Variants in NALCN observed in about 807,000 individuals in gnomAD.
NALCN encodes the protein sodium leak channel, non-selective.
In NALCN, 111 loss-of-function variants were observed where a neutral mutation model predicts 225.3. That is an observed-to-expected ratio of 0.49 (90% CI 0.42 to 0.58). The LOEUF (loss-of-function observed/expected upper bound fraction) is 0.58, where lower values mean the gene tolerates loss of function less well. Among genes scored for constraint, NALCN ranks in the 20% least tolerant of loss-of-function variants. The pLI, the probability that NALCN is intolerant of heterozygous loss-of-function variation, is 0.00. For missense variants in NALCN, 1,378 were observed against 2,202.4 expected, an observed-to-expected ratio of 0.63 and a Z score of 7.49; for synonymous variants, 764 against 769.0, an observed-to-expected ratio of 0.99 and a Z score of 0.11.
chr13:101,189,098 C>T (rs1662073), intron 14 of NALCN, among the ~76,000 whole-genome samples: 34 of 151,914 alleles, frequency 2.2e-4, no homozygotes, highest in Non-Finnish European at 4.3e-4. Context: ...GTAGGGATGC[C>T]CCTTATCCTC....
rs552072149 is a variant in NALCN at position 101,285,994 on chromosome 13, C to G, written c.1048-1975G>C. Among the ~76,000 whole-genome samples the G allele has an allele frequency of 1.2e-3, 176 of 151,986 alleles. 1 individual carries two copies. The highest frequency in any genetic ancestry group is 5.8e-4 in the East Asian group (3 of 5,172). On this transcript the variant is annotated intron_variant, in intron 9 of 43. Transcript: ENST00000251127. ...CTCTTAAATTTTTTTTTCAATAGAC[C>G]AAAATCAAAAGAATCAATTTAATTT...
At chr13:101,228,695 T>C (rs918673144) in intron 13 of NALCN, among the ~76,000 whole-genome samples, 1 of 152,234 alleles carries the variant, frequency 6.6e-6, no homozygotes, top group Non-Finnish European at 1.5e-5. Flanking sequence ...TCATCGAGTA[T>C]GTCTTTATCA....
chr13:101,332,820 C>T (rs1246384099), intron 7 of NALCN, among the ~76,000 whole-genome samples: 2 of 151,824 alleles, frequency 1.3e-5, no homozygotes, highest in Non-Finnish European at 2.9e-5. Context: ...GTGGAGTGCT[C>T]ACGCTTCACT....
rs1181657432 is a variant in NALCN at position 101,095,573 on chromosome 13, C to T, written c.3269+1G>A. 6.2e-7 allele frequency: 1 copy of T among 1,610,328 alleles called. No individual in the cohort carries two copies. The highest frequency in any genetic ancestry group is 8.5e-7 in the Non-Finnish European group (1 of 1,177,984). On this transcript the variant is annotated splice_donor_variant, in intron 28 of 43. Transcript: ENST00000251127. LOFTEE classifies it high-confidence loss of function. ...AGAATATTTTTTTATGATATACTTACCAAACACGGGGCACCCAAAATCCAG... is the reference window on the plus strand; with the variant it reads ...AGAATATTTTTTTATGATATACTTATCAAACACGGGGCACCCAAAATCCAG...
At chr13:101,401,881 T>C (rs1235878039) in intron 1 of NALCN, among the ~76,000 whole-genome samples, 1 of 152,212 alleles carries the variant, frequency 6.6e-6, no homozygotes, top group East Asian at 1.9e-4. Flanking sequence ...AAATATTATA[T>C]AAAGCATTCA....
chr13:101,093,459 G>A (rs1036507975), intron 28 of NALCN, among the ~76,000 whole-genome samples: 2 of 152,206 alleles, frequency 1.3e-5, no homozygotes, highest in Admixed American at 6.5e-5. Context: ...GATCGAAGGT[G>A]TCTATTTCAC....
At chr13:101,056,541 G>T (rs1350328220) in intron 43 of NALCN, among the ~76,000 whole-genome samples, 1 of 151,956 alleles carries the variant, frequency 6.6e-6, no homozygotes, top group Non-Finnish European at 1.5e-5. Flanking sequence ...GGATTACAGG[G>T]GTGAGCCACT....
chr13:101,165,299 G>A (rs1268555544), intron 15 of NALCN, among the ~76,000 whole-genome samples: 1 of 152,248 alleles, frequency 6.6e-6, no homozygotes, highest in East Asian at 1.9e-4. Context: ...TTCCTTACCC[G>A]TCATTGATTC....
In NALCN at chr13:101,059,674, C is replaced by CTT. The variant is rs35627368; in HGVS notation, c.4905+142_4905+143dup. The CTT allele has an allele frequency of 0.031, 18,707 of 603,386 alleles. 97 individuals are homozygous for CTT. The highest frequency in any genetic ancestry group is 0.054 in the African/African-American group (2,811 of 52,294). The allele number at this position is 603,386 out of a possible 1,614,324, so 37.4% of individuals were successfully genotyped here. A position where few individuals can be genotyped will look rare whatever the true frequency, so the allele number is the denominator to read the frequency against. ...ATCTGGATCAATGGATTTCCGTTGC[C>CTT]TTTTTTTTTTTTAATGAAAATATTC... On this transcript the variant is annotated intron_variant, in intron 42 of 43. Coordinates refer to ENST00000251127, the MANE Select transcript of NALCN (RefSeq NM_052867.4).
intron 15 of NALCN, among the ~76,000 whole-genome samples, chr13:101,171,091 A>T (rs1353411489): frequency 6.6e-6 from 1 of 152,074 alleles, no homozygotes; most frequent in African/African-American, 2.4e-5. Context: ...TGTAGCCTCT[A>T]TACCAACTGA....
rs756321144 is a variant in NALCN, at chr13:101,111,234, A to G, written c.2193-8T>C. 3.2e-6 allele frequency: 5 copies of G among 1,578,992 alleles called. No homozygotes were observed. The African/African-American group carries it at 5.4e-5, about 17-fold the overall frequency. On this transcript the variant is annotated splice_region_variant and splice_polypyrimidine_tract_variant and intron_variant, in intron 18 of 43. Coordinates refer to ENST00000251127, the MANE Select transcript of NALCN (RefSeq NM_052867.4). ...CGCTGTCGGGTGCAAGCTCTAGGAA[A>G]AAAAAAGGAGCCCAAGATAAATGCA...
intron 11 of NALCN, among the ~76,000 whole-genome samples, chr13:101,244,704 A>G (rs1303690999): frequency 6.6e-6 from 1 of 152,224 alleles, no homozygotes; most frequent in Admixed American, 6.5e-5. Flanking sequence ...CTGTGTCAGG[A>G]TTTAAAGAAG....
intron 6 of NALCN, among the ~76,000 whole-genome samples, chr13:101,348,165 G>C (rs575813623): frequency 2.7e-4 from 41 of 152,138 alleles, no homozygotes; most frequent in African/African-American, 9.4e-4. Flanking sequence ...ACATGAAAAA[G>C]TTTCCAAAAA....
At chr13:101,211,050 G>A (rs955735691) in intron 13 of NALCN, among the ~76,000 whole-genome samples, 20 of 152,046 alleles carry the variant, frequency 1.3e-4, no homozygotes, top group African/African-American at 4.6e-4. Flanking sequence ...ACAAATGTAT[G>A]AACTGTCCTC....
intron 17 of NALCN, among the ~76,000 whole-genome samples, chr13:101,138,202 T>C (rs1159701861): frequency 6.6e-6 from 1 of 152,240 alleles, no homozygotes; most frequent in Non-Finnish European, 1.5e-5. Flanking sequence ...ACAGTTCGCA[T>C]CTTGCTCACT....
At position 101,284,096 on chromosome 13, in the gene NALCN, T is replaced by A. The variant is rs77903204; in HGVS notation, c.1048-77A>T. 2,217 of 1,222,106 alleles carry A rather than the reference T, an allele frequency of 1.8e-3. 38 individuals carry two copies. In the African/African-American group the frequency reaches 0.032, roughly 18 times the overall value. The allele number at this position is 1,222,106 out of a possible 1,614,324, so 75.7% of individuals were successfully genotyped here. On this transcript the variant is annotated intron_variant, in intron 9 of 43. Coordinates refer to ENST00000251127, the MANE Select transcript of NALCN (RefSeq NM_052867.4). ...AGAACTCTATGTCTCCAGCTTTGTA[T>A]ATTTTTATGTTATCAAAAATTTGTC...
intron 15 of NALCN, 91 bp from the exon 16 acceptor site, chr13:101,144,987 A>G (rs1555298403): frequency 1.4e-6 from 2 of 1,380,594 alleles, no homozygotes; most frequent in Non-Finnish European, 1.9e-6. Context: ...GGAAGCAATA[A>G]GTAATTACAT....
intron 1 of NALCN, among the ~76,000 whole-genome samples, chr13:101,410,560 A>G (rs969633240): frequency 2.0e-5 from 3 of 152,224 alleles, no homozygotes; most frequent in Non-Finnish European, 2.9e-5. Context: ...TGTTTTATAA[A>G]AGGATAACTA....
chr13:101,204,060 G>C (rs1269757572), intron 13 of NALCN, among the ~76,000 whole-genome samples: 5 of 152,104 alleles, frequency 3.3e-5, no homozygotes, highest in African/African-American at 4.8e-5. Context: ...TTTGGTGTAG[G>C]GTCCTAGTCT....
Sources: allele counts gnomAD v4.1 joint callset (sites outside exome capture counted in the v4.1 genomes callset), GRCh38; gene constraint gnomAD v4.1.1; transcripts MANE v1.5; gene names NCBI Gene and HGNC (gene_info 2026-07-23, HGNC 2026-07-21).